TLR2: variants seen among roughly 807,000 people sequenced by gnomAD.
TLR2 encodes toll like receptor 2.
A neutral mutation model predicts 9.1 loss-of-function variants in TLR2; 7 were observed. The observed-to-expected ratio is 0.77, with a 90% CI of 0.44 to 1.44. The LOEUF (loss-of-function observed/expected upper bound fraction) is 1.44. Ranked by LOEUF, TLR2 falls within the 40% of genes most tolerant of loss-of-function variation. TLR2 has a pLI of 0.01. For synonymous variants in TLR2, 317 were observed against 344.6 expected, an observed-to-expected ratio of 0.92 and a Z score of 0.89; for missense variants, 812 against 904.6, an observed-to-expected ratio of 0.90 and a Z score of 1.31.
Position 153,705,241 on chromosome 4 carries a change from G to A in TLR2, c.2334G>A (p.Leu778=). ...AGCGGGAAGGATTTTGGGTAAATCT[G>A]AGAGCTGCGATAAAGTCCTAGGTTC... The part of the protein sequence containing the change: ...EAQREGFWVN[L]RAAIKS The change falls in exon 3 of 3, where the codon CTG becomes CTA. Residue 778 remains leucine (L), a synonymous_variant. Coordinates refer to ENST00000642700, the MANE Select transcript of TLR2 (RefSeq NM_001318789.2). 1 of 1,590,012 alleles carries A rather than the reference G, an allele frequency of 6.3e-7. No homozygotes were observed. Among genetic ancestry groups the A allele is most frequent in the East Asian group, 2.2e-5 (1 of 44,478 alleles).
At chr4:153,684,867 G>T (rs1361598683) in intron 1 of TLR2, among the ~76,000 whole-genome samples, 1 of 152,154 alleles carries the variant, frequency 6.6e-6, no homozygotes, top group African/African-American at 2.4e-5. Flanking sequence ...TGGCCCTCCC[G>T]CTTCCCTGAT....
chr4:153,687,266 T>G (rs1157229653), intron 1 of TLR2, among the ~76,000 whole-genome samples: 2 of 152,030 alleles, frequency 1.3e-5, no homozygotes, highest in Non-Finnish European at 2.9e-5. Context: ...CCTTAAAAAC[T>G]GGAAAAGGAA....
At chr4:153,707,549 C>CA (rs1214136330), downstream of TLR2, among the ~76,000 whole-genome samples, 3 of 151,458 alleles carry the variant, frequency 2.0e-5, no homozygotes, top group African/African-American at 7.3e-5. Context: ...GACACTGTCT[C>CA]AAAAAAACAA....
At chr4:153,691,029 T>C (rs1736074873) in intron 2 of TLR2, among the ~76,000 whole-genome samples, 1 of 152,234 alleles carries the variant, frequency 6.6e-6, no homozygotes, top group South Asian at 2.1e-4. Flanking sequence ...ATCACATTAA[T>C]AGGCATATCA....
At chr4:153,694,694 A>T (rs1200298616) in intron 2 of TLR2, among the ~76,000 whole-genome samples, 2 of 152,228 alleles carry the variant, frequency 1.3e-5, no homozygotes, top group Non-Finnish European at 2.9e-5. Flanking sequence ...CAATCCAATT[A>T]AACCTTTTAT....
Position 153,702,879 on chromosome 4 carries a change from C to G in TLR2, c.-16-13C>G. The G allele has an allele frequency of 1.3e-6, 2 of 1,559,696 alleles. No homozygotes were observed. The highest frequency in any genetic ancestry group is 2.4e-5 in the South Asian group (2 of 84,008). ...CAAACACAATGACTTATTTGAACCT[C>G]TTTTATTTGTAGGTTGAAGCACTGG... On this transcript the variant is annotated splice_polypyrimidine_tract_variant and intron_variant, in intron 2 of 2. Coordinates refer to ENST00000642700, the MANE Select transcript of TLR2 (RefSeq NM_001318789.2).
downstream of TLR2, among the ~76,000 whole-genome samples, chr4:153,707,068 T>C (rs192236828): frequency 1.3e-5 from 2 of 152,250 alleles, no homozygotes; most frequent in Admixed American, 6.5e-5. Flanking sequence ...TTCCCTTATA[T>C]ATTATGGCTT....
At position 153,703,031 on chromosome 4, in the gene TLR2, T is replaced by TGC; in HGVS notation, c.124_125insGC (p.Ser42CysfsTer3). On this transcript the variant is annotated frameshift_variant, in exon 3 of 3. Coordinates refer to ENST00000642700, the MANE Select transcript of TLR2 (RefSeq NM_001318789.2). LOFTEE classifies it low-confidence loss of function (END_TRUNC). ...TGGTATCTGCAAGGGCAGCTCAGGA[T>TGC]CTTTAAACTCCATTCCCTCAGGGCT... The TGC allele has an allele frequency of 6.2e-7, 1 of 1,613,978 alleles. No individual in the cohort carries two copies. Among genetic ancestry groups the TGC allele is most frequent in the South Asian group, 1.1e-5 (1 of 91,072 alleles).
chr4:153,687,497 G>A (rs1735790896), intron 1 of TLR2, among the ~76,000 whole-genome samples: 2 of 152,122 alleles, frequency 1.3e-5, no homozygotes, highest in Admixed American at 1.3e-4. Flanking sequence ...TAAGCAGGAG[G>A]CCATTATCCT....
chr4:153,691,400 T>G (rs1316017100), intron 2 of TLR2, among the ~76,000 whole-genome samples: 1 of 152,206 alleles, frequency 6.6e-6, no homozygotes, highest in Non-Finnish European at 1.5e-5. Context: ...ACAATCCGAA[T>G]TCTCCCATTT....
At chr4:153,692,903 A>T (rs562982327) in intron 2 of TLR2, among the ~76,000 whole-genome samples, 1 of 152,338 alleles carries the variant, frequency 6.6e-6, no homozygotes, top group South Asian at 2.1e-4. Context: ...GAAATGATTG[A>T]AATGTCCGCT....
At chr4:153,694,789 G>T (rs1736374720) in intron 2 of TLR2, among the ~76,000 whole-genome samples, 2 of 152,146 alleles carry the variant, frequency 1.3e-5, no homozygotes, top group Non-Finnish European at 2.9e-5. Flanking sequence ...AAGTATATTT[G>T]TGTACCCATT....
At chr4:153,692,900 T>C (rs1028797570) in intron 2 of TLR2, among the ~76,000 whole-genome samples, 4 of 152,250 alleles carry the variant, frequency 2.6e-5, no homozygotes, top group Non-Finnish European at 4.4e-5. Flanking sequence ...ACAGAAATGA[T>C]TGAAATGTCC....
At chr4:153,695,460 A>T (rs1381074411) in intron 2 of TLR2, among the ~76,000 whole-genome samples, 1 of 152,194 alleles carries the variant, frequency 6.6e-6, no homozygotes, top group South Asian at 2.1e-4. Context: ...TCTGTTTGCC[A>T]TTCATGTGCC....
At chr4:153,708,717 G>C (rs1326988521), downstream of TLR2, among the ~76,000 whole-genome samples, 1 of 152,136 alleles carries the variant, frequency 6.6e-6, no homozygotes, top group Admixed American at 6.5e-5. Context: ...GTGATTAGCA[G>C]GCTCCCAGGA....
In TLR2 at chr4:153,704,052, G is replaced by T. The variant is rs764313857; in HGVS notation, c.1145G>T (p.Cys382Phe). 3.7e-6 allele frequency: 6 copies of T among 1,614,148 alleles called. No homozygotes were observed. The highest frequency in any genetic ancestry group is 2.2e-5 in the South Asian group (2 of 91,084). Residue 382 changes from cysteine (C) to phenylalanine (F), a missense_variant, in exon 3 of 3, where the codon TGT becomes TTT. By Grantham distance (205) the Cys-to-Phe change is radical. Coordinates refer to ENST00000642700, the MANE Select transcript of TLR2 (RefSeq NM_001318789.2). ...MVEEYLKNSA[C>F]EDAWPSLQTL... ...GAAGAATACTTGAAAAATTCAGCCT[G>T]TGAGGATGCCTGGCCCTCTCTACAA...
chr4:153,696,249 A>G (rs1736488120), intron 2 of TLR2, among the ~76,000 whole-genome samples: 1 of 152,172 alleles, frequency 6.6e-6, no homozygotes. Flanking sequence ...GAACTGCATT[A>G]AATCTATAGA....
intron 2 of TLR2, among the ~76,000 whole-genome samples, chr4:153,692,783 C>T (rs1006113955): frequency 7.2e-5 from 11 of 152,150 alleles, no homozygotes; most frequent in African/African-American, 2.7e-4. Flanking sequence ...CCATTGGGCC[C>T]TTCACAATGC....
chr4:153,709,691 A>G (rs1193312928), downstream of TLR2, among the ~76,000 whole-genome samples: 1 of 152,234 alleles, frequency 6.6e-6, no homozygotes, highest in East Asian at 1.9e-4. Flanking sequence ...GCCACAATGG[A>G]ATGACTGTGC....
Sources: allele counts gnomAD v4.1 joint callset (sites outside exome capture counted in the v4.1 genomes callset), GRCh38; gene constraint gnomAD v4.1.1; transcripts MANE v1.5; gene names NCBI Gene and HGNC (gene_info 2026-07-23, HGNC 2026-07-21).